The following USP37 variants were observed in gnomAD, a reference collection of about 807,000 sequenced individuals.
USP37 encodes the protein ubiquitin carboxyl-terminal hydrolase 37.
In USP37, 27 loss-of-function variants were observed where a neutral mutation model predicts 124.0. The observed-to-expected ratio is 0.22, with a 90% CI of 0.16 to 0.30. USP37 has a LOEUF of 0.30. USP37 is among the 10% of genes least tolerant of loss of function. The probability of loss-of-function intolerance (pLI) is 1.00; values close to 1 mark genes in which losing one functional copy is unlikely to be tolerated. For missense variants in USP37, 889 were observed against 1,140.4 expected (o/e 0.78, Z 3.17); for synonymous variants, 365 against 388.0 (o/e 0.94, Z 0.70).
In USP37 at chr2:218,556,421, A is replaced by C. The variant is rs945676383; in HGVS notation, c.156+2077T>G. Among the ~76,000 whole-genome samples, 3 of 149,756 alleles carry C rather than the reference A, an allele frequency of 2.0e-5. No homozygotes were observed. In the South Asian group the frequency reaches 6.3e-4, roughly 31 times the overall value. On this transcript the variant is annotated intron_variant, in intron 4 of 25. Coordinates refer to ENST00000258399, the MANE Select transcript of USP37 (RefSeq NM_020935.3). ...TATTCTTTGAATCTTCAGAGTGCAA[A>C]TGGCTTGCTTTCTTGTGTTACCTCA...
At chr2:218,500,465 C>T (rs1037656814) in intron 11 of USP37, among the ~76,000 whole-genome samples, 1 of 151,640 alleles carries the variant, frequency 6.6e-6, no homozygotes, top group Non-Finnish European at 1.5e-5. Flanking sequence ...TCATGTTGAT[C>T]AGGTTTGTCT....
chr2:218,509,525 G>T (rs1481168567), intron 11 of USP37, among the ~76,000 whole-genome samples: 1 of 151,940 alleles, frequency 6.6e-6, no homozygotes, highest in Non-Finnish European at 1.5e-5. Context: ...GAGGAGGGAG[G>T]ACTGCTTGAG....
intron 3 of USP37, among the ~76,000 whole-genome samples, chr2:218,559,107 G>T (rs1372653474): frequency 6.6e-6 from 1 of 151,708 alleles, no homozygotes; most frequent in African/African-American, 2.4e-5. Context: ...GGGAATTTGA[G>T]ACCAGCCTGG....
chr2:218,496,696 T>G (rs1383906513), intron 13 of USP37, among the ~76,000 whole-genome samples: 1 of 152,194 alleles, frequency 6.6e-6, no homozygotes, highest in Non-Finnish European at 1.5e-5. Flanking sequence ...TCACACAGGC[T>G]GGAGTACAAT....
At position 218,452,665 on chromosome 2, in the gene USP37, T is replaced by G. The variant is rs968711831; in HGVS notation, c.*2265A>C. On this transcript the variant is annotated 3_prime_UTR_variant, in exon 26 of 26. Coordinates refer to ENST00000258399, the MANE Select transcript of USP37 (RefSeq NM_020935.3). Reference sequence around the variant, plus strand: ...AATCAGGTTTCTGAGGTAAGTGTACTTCTAAACCATACACACATGAAAGCT... The same window carrying G: ...AATCAGGTTTCTGAGGTAAGTGTACGTCTAAACCATACACACATGAAAGCT... The G allele has an allele frequency of 6.6e-6, 1 of 152,230 alleles. No individual in the cohort carries two copies. The highest frequency in any genetic ancestry group is 6.5e-5 in the Admixed American group (1 of 15,284). The allele number at this position is 152,230 out of a possible 1,614,324, so 9.4% of individuals were successfully genotyped here.
intron 21 of USP37, 109 bp from the exon 22 acceptor site, chr2:218,463,475 T>C (rs1333239343): frequency 1.1e-6 from 1 of 874,266 alleles, no homozygotes. Flanking sequence ...ATGCTTTCTA[T>C]AACCTTATGG....
chr2:218,492,944 C>CTA (rs1688873451), intron 14 of USP37, among the ~76,000 whole-genome samples: 1 of 151,888 alleles, frequency 6.6e-6, no homozygotes, highest in Non-Finnish European at 1.5e-5. Context: ...AGTTAGCAGG[C>CTA]TATAGTAAGC....
At chr2:218,564,100 A>G (rs559990015) in intron 1 of USP37, among the ~76,000 whole-genome samples, 26 of 152,208 alleles carry the variant, frequency 1.7e-4, no homozygotes, top group African/African-American at 5.5e-4. Context: ...AAGCTCCCAG[A>G]CTTCCCTACT....
In USP37 at chr2:218,485,692, C is replaced by G; in HGVS notation, c.1642G>C (p.Val548Leu). The G allele has an allele frequency of 6.3e-7, 1 of 1,590,082 alleles. No individual in the cohort carries two copies. Among genetic ancestry groups the G allele is most frequent in the Non-Finnish European group, 8.5e-7 (1 of 1,171,416 alleles). ...CEKCGGKCAL[V>L]RHKFNRLPRV... ...GGAAGCCTGTTAAATTTGTGCCTGA[C>G]AAGAGCACACTTCCCACCACACTTC... Residue 548 changes from valine (V) to leucine (L), a missense_variant, in exon 16 of 26, where the codon GTC becomes CTC. Coordinates refer to ENST00000258399, the MANE Select transcript of USP37 (RefSeq NM_020935.3).
chr2:218,455,530 AGT>A, intron 25 of USP37, 48 bp downstream of exon 25: 1 of 1,253,152 alleles, frequency 8.0e-7, no homozygotes, highest in East Asian at 2.5e-5. Flanking sequence ...AAAAAAAAAG[AGT>A]TCCGGTGATT....
intron 25 of USP37, 148 bp downstream of exon 25, chr2:218,455,432 G>T: frequency 1.0e-6 from 1 of 968,360 alleles, no homozygotes; most frequent in Non-Finnish European, 1.5e-6. Flanking sequence ...GAAATATCAA[G>T]AGATAGACCC....
rs1689659378 is a variant in USP37 at position 218,455,654 on chromosome 2, C to T, written c.2778G>A (p.Glu926=). 6.2e-7 allele frequency: 1 copy of T among 1,614,038 alleles called. No individual in the cohort carries two copies. The highest frequency in any genetic ancestry group is 8.5e-7 in the Non-Finnish European group (1 of 1,180,036). Residue 926 remains glutamate, a synonymous_variant, in exon 25 of 26, where the codon GAG becomes GAA. Coordinates refer to ENST00000258399, the MANE Select transcript of USP37 (RefSeq NM_020935.3). The part of the protein sequence containing the change: ...KQAWFTYNDL[E]VSKIQEAAVQ... ...CGGCAGCCTCTTGGATTTTTGATACCTCCAGGTCATTGTAAGTAAACCACG... is the reference window on the plus strand; with the variant it reads ...CGGCAGCCTCTTGGATTTTTGATACTTCCAGGTCATTGTAAGTAAACCACG...
intron 10 of USP37, among the ~76,000 whole-genome samples, chr2:218,529,416 G>A (rs531679806): frequency 1.3e-5 from 2 of 149,690 alleles, no homozygotes; most frequent in South Asian, 4.2e-4. Flanking sequence ...GCTGCAGTGA[G>A]CCAAGATAGC....
At chr2:218,532,956 T>C (rs1280039025) in intron 9 of USP37, among the ~76,000 whole-genome samples, 5 of 150,476 alleles carry the variant, frequency 3.3e-5, no homozygotes, top group Non-Finnish European at 7.4e-5. Context: ...TTATTATTAT[T>C]TTTTTTTTAG....
chr2:218,493,399 C>T (rs537671270), intron 14 of USP37, among the ~76,000 whole-genome samples: 1 of 152,202 alleles, frequency 6.6e-6, no homozygotes, highest in Non-Finnish European at 1.5e-5. Context: ...GCATATCCAA[C>T]ATCTGGGTGC....
chr2:218,530,136 A>T (rs1691238721), intron 9 of USP37, 96 bp from the exon 10 acceptor site: 1 of 856,760 alleles, frequency 1.2e-6, no homozygotes, highest in East Asian at 2.7e-5. Flanking sequence ...GATTATATTT[A>T]ACTCTTTTTC....
intron 19 of USP37, among the ~76,000 whole-genome samples, chr2:218,476,401 T>G (rs983069463): frequency 1.3e-5 from 2 of 148,232 alleles, no homozygotes; most frequent in Non-Finnish European, 3.1e-5. Flanking sequence ...CAGTAAGACC[T>G]TGTCTCTACA....
rs150471364 is a variant in USP37, at chr2:218,544,815, C to T, written c.680+1406G>A. 2.0e-4 allele frequency among the ~76,000 whole-genome samples: 30 copies of T among 152,264 alleles called. No individual in the cohort carries two copies. The East Asian group carries it at 5.2e-3, about 26-fold the overall frequency. On this transcript the variant is annotated intron_variant, in intron 8 of 25. Transcript: ENST00000258399. The stretch of plus-strand genomic sequence containing the variant: ...GTTTCCTATTCTTGTCTATTTTAAA[C>T]AGAAATTTTTACTGTGATTATTCTG...
At chr2:218,505,819 A>T (rs1030755618) in intron 11 of USP37, among the ~76,000 whole-genome samples, 4 of 151,960 alleles carry the variant, frequency 2.6e-5, no homozygotes, top group Non-Finnish European at 5.9e-5. Context: ...CAATATACAG[A>T]TTCGAGACTT....
Sources: allele counts gnomAD v4.1 joint callset (sites outside exome capture counted in the v4.1 genomes callset), GRCh38; gene constraint gnomAD v4.1.1; transcripts MANE v1.5; gene names NCBI Gene and HGNC (gene_info 2026-07-23, HGNC 2026-07-21).